The following KAZN variants were observed in gnomAD, a reference collection of about 807,000 sequenced individuals.
KAZN encodes the protein kazrin, periplakin interacting protein.
KAZN carries 40 observed loss-of-function variants against 87.4 expected under a neutral mutation model. The observed-to-expected ratio is 0.46, with a 90% CI of 0.36 to 0.60. The LOEUF is 0.60. Ranked by LOEUF, KAZN falls within the 20% of genes least tolerant of loss-of-function variation. The pLI, the probability that KAZN is intolerant of heterozygous loss-of-function variation, is 0.00. For missense variants in KAZN, 898 were observed against 1,073.9 expected, an observed-to-expected ratio of 0.84 and a Z score of 2.29; for synonymous variants, 466 against 458.3, an observed-to-expected ratio of 1.02 and a Z score of -0.22.
chr1:14,957,329 C>T (rs2101746992), intron 1 of KAZN, among the ~76,000 whole-genome samples: 1 of 152,312 alleles, frequency 6.6e-6, no homozygotes, highest in Middle Eastern at 3.4e-3. Context: ...ACCCCAGTGC[C>T]CCCGTGCCTA....
intron 1 of KAZN, among the ~76,000 whole-genome samples, chr1:14,150,912 G>A (rs1332644564): frequency 6.6e-6 from 1 of 152,056 alleles, no homozygotes; most frequent in Non-Finnish European, 1.5e-5. Context: ...CAGAAAAAAA[G>A]AAAAGTCATA....
At chr1:14,931,158 TGG>T (rs1295693658) in intron 1 of KAZN, among the ~76,000 whole-genome samples, 3 of 151,896 alleles carry the variant, frequency 2.0e-5, no homozygotes, top group Non-Finnish European at 4.4e-5. Flanking sequence ...TATGGGAGGC[TGG>T]GCTCGATGGC....
chr1:13,919,902 T>A (rs903423510), intron 1 of KAZN, among the ~76,000 whole-genome samples: 2 of 152,232 alleles, frequency 1.3e-5, no homozygotes, highest in African/African-American at 4.8e-5. Context: ...TATTTGGATC[T>A]AAAATCTACC....
intron 2 of KAZN, among the ~76,000 whole-genome samples, chr1:14,269,379 G>T (rs1339598556): frequency 6.6e-6 from 1 of 152,006 alleles, no homozygotes; most frequent in East Asian, 1.9e-4. Context: ...ACTTGACTTT[G>T]AACCATTTAC....
chr1:14,527,119 C>T (rs1459369146), intron 2 of KAZN, among the ~76,000 whole-genome samples: 1 of 152,140 alleles, frequency 6.6e-6, no homozygotes, highest in African/African-American at 2.4e-5. Flanking sequence ...TGTTTAAGCT[C>T]ATCTGGGTGG....
intron 1 of KAZN, among the ~76,000 whole-genome samples, chr1:14,103,160 A>T (rs1162549222): frequency 6.6e-6 from 1 of 152,056 alleles, no homozygotes; most frequent in Non-Finnish European, 1.5e-5. Flanking sequence ...GCCTCAAGTG[A>T]TCGGCCCGTC....
At chr1:14,819,604 G>A (rs904200226) in intron 1 of KAZN, among the ~76,000 whole-genome samples, 4 of 151,708 alleles carry the variant, frequency 2.6e-5, no homozygotes, top group African/African-American at 4.8e-5. Flanking sequence ...TTTCACAGCC[G>A]AGACTGCGGC....
At chr1:14,341,567 C>T (rs904070102) in intron 2 of KAZN, among the ~76,000 whole-genome samples, 1 of 152,186 alleles carries the variant, frequency 6.6e-6, no homozygotes, top group Middle Eastern at 3.2e-3. Context: ...GCTTCTGCCT[C>T]AGGACTTGGC....
intron 2 of KAZN, among the ~76,000 whole-genome samples, chr1:14,436,734 A>AAAAAAAAAAAAAAAACAAAAAC (rs563539375): frequency 2.2e-5 from 3 of 137,406 alleles, no homozygotes; most frequent in Non-Finnish European, 3.1e-5. Flanking sequence ...AAAAAAAAAA[A>AAAAAAAAAAAAAAAACAAAAAC]AAAACCTTAA....
chr1:14,433,709 A>G (rs1419340069), intron 2 of KAZN, among the ~76,000 whole-genome samples: 5 of 152,096 alleles, frequency 3.3e-5, no homozygotes, highest in African/African-American at 2.4e-5. Context: ...AAATACAAAA[A>G]CTTAGCCAGG....
At chr1:14,113,415 C>A (rs892124162) in intron 1 of KAZN, among the ~76,000 whole-genome samples, 2 of 152,122 alleles carry the variant, frequency 1.3e-5, no homozygotes, top group Non-Finnish European at 2.9e-5. Context: ...TAGGTCGTGA[C>A]AAGTAAAGCA....
intron 2 of KAZN, among the ~76,000 whole-genome samples, chr1:14,422,655 A>C (rs1226125565): frequency 6.6e-6 from 1 of 152,250 alleles, no homozygotes; most frequent in East Asian, 1.9e-4. Context: ...ATACAGTTAT[A>C]TGATATCTAG....
intron 2 of KAZN, among the ~76,000 whole-genome samples, chr1:14,191,923 G>A (rs1310833845): frequency 6.6e-6 from 1 of 152,128 alleles, no homozygotes; most frequent in Non-Finnish European, 1.5e-5. Context: ...CCTCCAGTTT[G>A]CTAAAGGAGC....
chr1:14,819,663 C>A (rs959166479), intron 1 of KAZN, among the ~76,000 whole-genome samples: 1 of 150,762 alleles, frequency 6.6e-6, no homozygotes, highest in African/African-American at 2.4e-5. Context: ...TTCAGACTTG[C>A]GAGTCCCCAC....
intron 1 of KAZN, among the ~76,000 whole-genome samples, chr1:14,115,511 G>A (rs1644597172): frequency 6.6e-6 from 1 of 152,202 alleles, no homozygotes; most frequent in Admixed American, 6.5e-5. Flanking sequence ...TATGTGAGAT[G>A]TGCCTTTTAC....
At chr1:14,177,422 T>A (rs1646103317) in intron 1 of KAZN, among the ~76,000 whole-genome samples, 1 of 152,228 alleles carries the variant, frequency 6.6e-6, no homozygotes, top group Non-Finnish European at 1.5e-5. Flanking sequence ...TCAAGTAACT[T>A]CTTTAACCTT....
At chr1:13,957,291 C>T (rs1641584363) in intron 1 of KAZN, among the ~76,000 whole-genome samples, 1 of 152,164 alleles carries the variant, frequency 6.6e-6, no homozygotes, top group Non-Finnish European at 1.5e-5. Flanking sequence ...AAGGCCAGTG[C>T]CCCTGGATAT....
intron 1 of KAZN, among the ~76,000 whole-genome samples, chr1:13,941,380 G>A (rs1640921789): frequency 6.6e-6 from 1 of 151,078 alleles, no homozygotes; most frequent in Non-Finnish European, 1.5e-5. Context: ...ATAGGGAACA[G>A]CTCAGGAAGC....
rs141607370 is a variant in KAZN, at chr1:14,938,497, G to A, written c.227-22187G>A. Among the ~76,000 whole-genome samples, 825 of 147,708 alleles carry A rather than the reference G, an allele frequency of 5.6e-3. 8 individuals are homozygous for A. The highest frequency in any genetic ancestry group is 0.019 in the African/African-American group (771 of 39,850). The stretch of plus-strand genomic sequence containing the variant: ...ACAGAGGTTGCAGTGAACCAAGATC[G>A]CACCACTGCACTCCAGCCTGGGCAA... On this transcript the variant is annotated intron_variant, in intron 1 of 14. Coordinates refer to ENST00000376030, the MANE Select transcript of KAZN (RefSeq NM_201628.3).
Sources: gnomAD v4.1 joint callset for allele counts (sites outside exome capture counted in the v4.1 genomes callset) on GRCh38, gnomAD v4.1.1 for gene constraint, MANE v1.5 for transcripts, NCBI Gene and HGNC (gene_info 2026-07-23, HGNC 2026-07-21) for gene names.